The following GFOD2 variants were observed in gnomAD, a reference collection of about 807,000 sequenced individuals.
GFOD2 encodes the protein Gfo/Idh/MocA-like oxidoreductase domain containing 2.
A neutral mutation model predicts 24.6 loss-of-function variants in GFOD2; 9 were observed. The ratio of observed to expected loss-of-function variants is 0.37; its 90% CI spans 0.22 to 0.64. The LOEUF is 0.64. GFOD2 is among the 30% of genes least tolerant of loss of function. The pLI is 0.65. For missense variants in GFOD2, 476 were observed against 532.5 expected (o/e 0.89, Z 1.04); for synonymous variants, 211 against 224.8 (o/e 0.94, Z 0.55).
In GFOD2 at chr16:67,693,562, G is replaced by A. The variant is rs114311864; in HGVS notation, c.-87-7760C>T. ...GCTGGGATTACAGGCATGAGCCATG[G>A]TCCCTGGCTAGAATCTTTTTTGGGA... On this transcript the variant is annotated intron_variant, in intron 1 of 2. Coordinates refer to ENST00000268797, the MANE Select transcript of GFOD2 (RefSeq NM_030819.4). 3.8e-3 allele frequency among the ~76,000 whole-genome samples: 571 copies of A among 152,164 alleles called. 6 individuals are homozygous for A. The highest frequency in any genetic ancestry group is 0.013 in the African/African-American group (526 of 41,542).
chr16:67,685,265 TG>T, intron 2 of GFOD2, 191 bp downstream of exon 2: 1 of 1,433,984 alleles, frequency 7.0e-7, no homozygotes, highest in Non-Finnish European at 9.1e-7. Context: ...GATTTACAGA[TG>T]GGAGGTAGGT....
chr16:67,693,051 A>AT (rs375163071), intron 1 of GFOD2, among the ~76,000 whole-genome samples: 1 of 151,904 alleles, frequency 6.6e-6, no homozygotes, highest in African/African-American at 2.4e-5. Flanking sequence ...CAAAAAAAAA[A>AT]GGAAAATGTG....
intron 1 of GFOD2, among the ~76,000 whole-genome samples, chr16:67,714,003 C>A (rs747293222): frequency 6.6e-6 from 1 of 151,940 alleles, no homozygotes; most frequent in Non-Finnish European, 1.5e-5. Context: ...CATTACTTTG[C>A]GGCAAAATCT....
chr16:67,699,763 A>G (rs1326081248), intron 1 of GFOD2, among the ~76,000 whole-genome samples: 1 of 151,544 alleles, frequency 6.6e-6, no homozygotes, highest in Non-Finnish European at 1.5e-5. Context: ...GGGTAACAGG[A>G]GCAAGCCACC....
chr16:67,693,336 T>A (rs2053330347), intron 1 of GFOD2, among the ~76,000 whole-genome samples: 1 of 151,922 alleles, frequency 6.6e-6, no homozygotes, highest in African/African-American at 2.4e-5. Flanking sequence ...TGGAGTCCAG[T>A]GGTGCCATCT....
chr16:67,712,368 C>A (rs2053480909), intron 1 of GFOD2, among the ~76,000 whole-genome samples: 1 of 136,696 alleles, frequency 7.3e-6, no homozygotes, highest in Non-Finnish European at 1.6e-5. Flanking sequence ...GCCATCTCGG[C>A]TCACTGCAAC....
intron 1 of GFOD2, among the ~76,000 whole-genome samples, chr16:67,688,667 TTTTC>T (rs1364967926): frequency 6.6e-6 from 1 of 152,032 alleles, no homozygotes; most frequent in African/African-American, 2.4e-5. Context: ...ATCACCGTCA[TTTTC>T]TTTTTCTCTT....
chr16:67,699,172 C>G (rs1343060754), intron 1 of GFOD2, among the ~76,000 whole-genome samples: 1 of 151,904 alleles, frequency 6.6e-6, no homozygotes, highest in African/African-American at 2.4e-5. Flanking sequence ...GAAACCCCGT[C>G]TCTACTAAAA....
chr16:67,690,777 C>A (rs549291265), intron 1 of GFOD2, among the ~76,000 whole-genome samples: 2 of 152,188 alleles, frequency 1.3e-5, no homozygotes, highest in Non-Finnish European at 2.9e-5. Flanking sequence ...TCTAACACAA[C>A]TATTTTAACT....
intron 1 of GFOD2, among the ~76,000 whole-genome samples, chr16:67,712,653 G>C (rs2053483586): frequency 9.6e-6 from 1 of 104,014 alleles, no homozygotes; most frequent in Non-Finnish European, 1.8e-5. Context: ...CCTCCCAGCC[G>C]CCTGCCTTGG....
chr16:67,701,224 T>C (rs1409247173), intron 1 of GFOD2, among the ~76,000 whole-genome samples: 1 of 152,122 alleles, frequency 6.6e-6, no homozygotes, highest in Non-Finnish European at 1.5e-5. Context: ...TAGATACCTA[T>C]CACACAACCT....
intron 1 of GFOD2, among the ~76,000 whole-genome samples, chr16:67,706,130 C>T (rs2053437737): frequency 6.6e-6 from 1 of 151,820 alleles, no homozygotes; most frequent in Admixed American, 6.6e-5. Context: ...ACGCGTGCCA[C>T]CACGCCCAGC....
chr16:67,687,312 T>C (rs957318019), intron 1 of GFOD2, among the ~76,000 whole-genome samples: 2 of 152,014 alleles, frequency 1.3e-5, no homozygotes, highest in Admixed American at 6.6e-5. Flanking sequence ...AAAACTTTTT[T>C]CATCAAACTG....
At chr16:67,706,492 T>C (rs933960997) in intron 1 of GFOD2, among the ~76,000 whole-genome samples, 11 of 152,246 alleles carry the variant, frequency 7.2e-5, no homozygotes, top group East Asian at 3.9e-4. Context: ...GTTGGAACAA[T>C]TGGATATCCA....
intron 1 of GFOD2, among the ~76,000 whole-genome samples, chr16:67,686,580 A>T (rs1597793973): frequency 6.6e-6 from 1 of 152,272 alleles, no homozygotes; most frequent in East Asian, 1.9e-4. Context: ...CTGTAATCCC[A>T]GCACTTTGGG....
rs537956509 is a variant in GFOD2 at position 67,675,012 on chromosome 16, C to T, written c.*143G>A. ...GGAGCAGATGAGCCACTGGAGGGGG[C>T]GAAGTCCCAGAGCCACCTCTGGCTT... On this transcript the variant is annotated 3_prime_UTR_variant, in exon 3 of 3. Coordinates refer to ENST00000268797, the MANE Select transcript of GFOD2 (RefSeq NM_030819.4). 8.6e-6 allele frequency: 8 copies of T among 924,976 alleles called. No individual in the cohort carries two copies. The highest frequency in any genetic ancestry group is 1.6e-5 in the African/African-American group (1 of 60,622). The allele number at this position is 924,976 out of a possible 1,614,324, so 57.3% of individuals were successfully genotyped here.
At chr16:67,683,238 G>GA (rs1242908554) in intron 2 of GFOD2, 1 of 1,081,920 alleles carries the variant, frequency 9.2e-7, no homozygotes, top group Non-Finnish European at 1.1e-6. Flanking sequence ...CCAAGAACCA[G>GA]AAAAAAAGCA....
In GFOD2 at chr16:67,675,778, C is replaced by A. The variant is rs1183883135; in HGVS notation, c.535G>T (p.Gly179Trp). ...GTCAGCAGGTCCACAATGTAGGTCC[C>A]CATGGTGTGCAAGCCCCCGCCGCCC... ...LMGGGGLHTM[G>W]TYIVDLLTHL... The change falls in exon 3 of 3, where the codon GGG becomes TGG. Residue 179 changes from glycine (G) to tryptophan (W), a missense_variant. By Grantham distance (184) the Gly-to-Trp change is radical (BLOSUM62 -2). Coordinates refer to ENST00000268797, the MANE Select transcript of GFOD2 (RefSeq NM_030819.4). 1.5e-5 allele frequency: 25 copies of A among 1,614,064 alleles called. No individual in the cohort carries two copies. Among genetic ancestry groups the A allele is most frequent in the Non-Finnish European group, 2.0e-5 (24 of 1,180,058 alleles).
At chr16:67,683,596 A>T (rs1388754928) in intron 2 of GFOD2, 1 of 1,231,632 alleles carries the variant, frequency 8.1e-7, no homozygotes, top group African/African-American at 1.6e-5. Context: ...TGGAAGAAAC[A>T]AACAATAAGG....
Sources: allele counts gnomAD v4.1 joint callset (sites outside exome capture counted in the v4.1 genomes callset), GRCh38; gene constraint gnomAD v4.1.1; transcripts MANE v1.5; gene names NCBI Gene and HGNC (gene_info 2026-07-23, HGNC 2026-07-21).